Variants in RFC1 observed in about 807,000 individuals in gnomAD.
The protein encoded by RFC1 is A1 140 kDa subunit.
In RFC1, 37 loss-of-function variants were observed where a neutral mutation model predicts 137.4. The ratio of observed to expected loss-of-function variants is 0.27; its 90% CI spans 0.21 to 0.35. The LOEUF (loss-of-function observed/expected upper bound fraction) is 0.35. Among genes scored for constraint, RFC1 ranks in the 10% least tolerant of loss-of-function variants. The probability of loss-of-function intolerance (pLI) is 1.00; values close to 1 mark genes in which losing one functional copy is unlikely to be tolerated. For synonymous variants in RFC1, 429 were observed against 455.7 expected, an observed-to-expected ratio of 0.94 and a Z score of 0.75; for missense variants, 1,205 against 1,358.5, an observed-to-expected ratio of 0.89 and a Z score of 1.78.
Position 39,327,514 on chromosome 4 carries a change from G to A in RFC1, c.564+10C>T. On this transcript the variant is annotated intron_variant, in intron 5 of 24. Coordinates refer to ENST00000349703, the MANE Select transcript of RFC1 (RefSeq NM_002913.5). ...TCCTGAGCATACTTGCTTATATGTA[G>A]AACACTTACCTCTTTTCTTTTGCTT... The A allele has an allele frequency of 6.3e-7, 1 of 1,579,592 alleles. No homozygotes were observed. Among genetic ancestry groups the A allele is most frequent in the Non-Finnish European group, 8.7e-7 (1 of 1,155,440 alleles).
In RFC1 at chr4:39,323,429, G is replaced by T. The variant is rs1292438306; in HGVS notation, c.643-12C>A. The T allele has an allele frequency of 6.2e-7, 1 of 1,612,588 alleles. No homozygotes were observed. The highest frequency in any genetic ancestry group is 8.5e-7 in the Non-Finnish European group (1 of 1,178,696). ...AACTGCCTCTCCAGCTGTAAAATGT[G>T]TCAGCAAAGTGAGTTGAGTTGCTCT... is the stretch of plus-strand genomic sequence containing the variant. On this transcript the variant is annotated splice_polypyrimidine_tract_variant and intron_variant, in intron 6 of 24. Coordinates refer to ENST00000349703, the MANE Select transcript of RFC1 (RefSeq NM_002913.5).
rs1379947730 is a variant in RFC1, at chr4:39,345,433, G to A, written c.176C>T (p.Pro59Leu). 2 of 1,613,730 alleles carry A rather than the reference G, an allele frequency of 1.2e-6. No individual in the cohort carries two copies. The highest frequency in any genetic ancestry group is 1.7e-6 in the Non-Finnish European group (2 of 1,179,866). ...ATAGATGATCCTCTTTTTCTTGCTT[G>A]GTTGCTTTTGTTTGAAGTCATCCTC... ...RKEDDFKQKQ[P>L]SKKKRIIYDS... Residue 59 changes from proline to leucine, a missense_variant, in exon 3 of 25, where the codon CCA (proline) becomes CTA (leucine). Pro to Leu is a moderately conservative substitution (Grantham distance 98, BLOSUM62 -3). This residue lies in a region of RFC1 where 962 missense variants were observed against 1,035.3 expected (regional missense o/e 0.93). Coordinates refer to ENST00000349703, the MANE Select transcript of RFC1 (RefSeq NM_002913.5).
chr4:39,359,101 C>G (rs372608871), intron 1 of RFC1, among the ~76,000 whole-genome samples: 1 of 152,302 alleles, frequency 6.6e-6, no homozygotes, highest in East Asian at 1.9e-4. Flanking sequence ...TCACCCAAAA[C>G]AGAAACATGG....
chr4:39,288,499 T>C lies in RFC1; in HGVS notation c.*262A>G. 1 of 307,246 alleles carries C rather than the reference T, an allele frequency of 3.3e-6. No individual in the cohort carries two copies. The highest frequency in any genetic ancestry group is 5.9e-6 in the Non-Finnish European group (1 of 168,624). 19.0% of individuals were successfully genotyped at this position (307,246 alleles called of 1,614,324 possible). A position where few individuals can be genotyped will look rare whatever the true frequency, so the allele number is the denominator to read the frequency against. Reference sequence around the variant, plus strand: ...CAGGTGTAGTTTCTAGTTCCAATTCTACAGTCATTCAGAAGCACGTCTAAC... The same window carrying C: ...CAGGTGTAGTTTCTAGTTCCAATTCCACAGTCATTCAGAAGCACGTCTAAC... On this transcript the variant is annotated 3_prime_UTR_variant, in exon 25 of 25. Coordinates refer to ENST00000349703, the MANE Select transcript of RFC1 (RefSeq NM_002913.5).
intron 2 of RFC1, among the ~76,000 whole-genome samples, chr4:39,349,475 T>A (rs1741074105): frequency 6.6e-6 from 1 of 152,050 alleles, no homozygotes; most frequent in Non-Finnish European, 1.5e-5. Context: ...TCAATCTCTC[T>A]CTCCACCCAT....
chr4:39,343,240 C>T (rs1473304820), intron 3 of RFC1, among the ~76,000 whole-genome samples: 1 of 152,144 alleles, frequency 6.6e-6, no homozygotes, highest in Non-Finnish European at 1.5e-5. Flanking sequence ...CCAGGCTGGT[C>T]TGGAAATCCT....
chr4:39,362,769 G>C (rs917022487), intron 1 of RFC1, among the ~76,000 whole-genome samples: 1 of 152,162 alleles, frequency 6.6e-6, no homozygotes, highest in Non-Finnish European at 1.5e-5. Flanking sequence ...GGATGTGGAG[G>C]AAGACTATTT....
chr4:39,363,762 C>T (rs954416190), intron 1 of RFC1, among the ~76,000 whole-genome samples: 2 of 151,964 alleles, frequency 1.3e-5, no homozygotes, highest in African/African-American at 4.8e-5. Context: ...CATGGTGGCA[C>T]ACACCTGTAT....
intron 23 of RFC1, among the ~76,000 whole-genome samples, chr4:39,291,003 C>CCAT (rs1737645639): frequency 6.6e-6 from 1 of 152,092 alleles, no homozygotes; most frequent in Non-Finnish European, 1.5e-5. Flanking sequence ...TGGATGTCTG[C>CCAT]TGTGAGAATT....
intron 1 of RFC1, 37 bp downstream of exon 1, chr4:39,366,202 C>G: frequency 6.4e-7 from 1 of 1,551,240 alleles, no homozygotes; most frequent in Non-Finnish European, 8.7e-7. Context: ...AAAGCCCCCC[C>G]AGACCCCGAG....
chr4:39,356,332 G>C (rs1194749603), intron 1 of RFC1, among the ~76,000 whole-genome samples: 1 of 152,116 alleles, frequency 6.6e-6, no homozygotes, highest in African/African-American at 2.4e-5. Context: ...CCGGGAAGTG[G>C]AGGGTGCAGT....
At chr4:39,338,539 C>T (rs189314409) in intron 4 of RFC1, among the ~76,000 whole-genome samples, 213 of 152,104 alleles carry the variant, frequency 1.4e-3, no homozygotes, top group African/African-American at 5.0e-3. Context: ...CCCAATAGAT[C>T]CAAATTATTA....
chr4:39,335,756 T>C (rs1740317197), intron 4 of RFC1, among the ~76,000 whole-genome samples: 1 of 152,198 alleles, frequency 6.6e-6, no homozygotes, highest in South Asian at 2.1e-4. Flanking sequence ...GGAGTGATTC[T>C]GCAATCGATG....
chr4:39,341,400 A>C, intron 4 of RFC1: 1 of 347,058 alleles, frequency 2.9e-6, no homozygotes. Flanking sequence ...CAGCACAAAA[A>C]GGTTAAGAGT....
chr4:39,324,054 A>C (rs1739647027), intron 6 of RFC1, among the ~76,000 whole-genome samples: 1 of 152,220 alleles, frequency 6.6e-6, no homozygotes, highest in South Asian at 2.1e-4. Flanking sequence ...CACATTCAGC[A>C]AAATGGAGCT....
intron 9 of RFC1, 27 bp downstream of exon 9, chr4:39,320,349 CAAAAAAA>C (rs56374926): frequency 2.3e-4 from 254 of 1,118,954 alleles, no homozygotes; most frequent in South Asian, 4.3e-4. Context: ...AACTCCATCT[CAAAAAAA>C]AAAAAAAAAA....
intron 19 of RFC1, among the ~76,000 whole-genome samples, chr4:39,301,624 A>G (rs2109607557): frequency 6.6e-6 from 1 of 152,218 alleles, no homozygotes; most frequent in East Asian, 1.9e-4. Flanking sequence ...GGCTGGTCTC[A>G]AACTCCTGAG....
intron 4 of RFC1, chr4:39,341,491 T>C: frequency 2.5e-6 from 1 of 405,728 alleles, no homozygotes. Flanking sequence ...ACTTACTTTT[T>C]GTCTTTGATA....
intron 2 of RFC1, among the ~76,000 whole-genome samples, chr4:39,345,835 G>A (rs1740835036): frequency 6.6e-6 from 1 of 152,132 alleles, no homozygotes; most frequent in Non-Finnish European, 1.5e-5. Flanking sequence ...ACAAATGGGG[G>A]TAGGGAGGTT....
Sources: gnomAD v4.1 joint callset for allele counts (sites outside exome capture counted in the v4.1 genomes callset) on GRCh38, gnomAD v4.1.1 for gene constraint, gnomAD v4.1.1 regional missense constraint, MANE v1.5 for transcripts, NCBI Gene and HGNC (gene_info 2026-07-23, HGNC 2026-07-21) for gene names.